FBXL13: variants seen among roughly 807,000 people sequenced by gnomAD.
FBXL13 encodes F-box and leucine rich repeat protein 13, also known as F-box and leucine-rich repeat protein 13.
In FBXL13, 67 loss-of-function variants were observed where a neutral mutation model predicts 83.6. The ratio of observed to expected loss-of-function variants is 0.80; its 90% CI spans 0.66 to 0.98. FBXL13 has a LOEUF of 0.98. Ranked by LOEUF, FBXL13 falls within the 50% of genes least tolerant of loss-of-function variation. The probability of loss-of-function intolerance (pLI) is 0.00; values close to 1 mark genes in which losing one functional copy is unlikely to be tolerated. For missense variants in FBXL13, 822 were observed against 866.5 expected, an observed-to-expected ratio of 0.95 and a Z score of 0.64; for synonymous variants, 272 against 299.5, an observed-to-expected ratio of 0.91 and a Z score of 0.95.
At chr7:102,864,955 T>C (rs764945003) in intron 16 of FBXL13, among the ~76,000 whole-genome samples, 4 of 152,206 alleles carry the variant, frequency 2.6e-5, no homozygotes, top group Non-Finnish European at 5.9e-5. Flanking sequence ...TATGAACCCA[T>C]ACTCTGAATT....
At chr7:102,931,889 T>C in exon 9 of FBXL13, 1 of 1,613,642 alleles carries the variant, frequency 6.2e-7, no homozygotes, top group Non-Finnish European at 8.5e-7. Context: ...ACTGTGAATG[T>C]TGGGCAGTCA....
intron 14 of FBXL13, among the ~76,000 whole-genome samples, chr7:102,881,374 T>G (rs1267798907): frequency 6.8e-6 from 1 of 147,224 alleles, no homozygotes; most frequent in Non-Finnish European, 1.5e-5. Context: ...CAGGCAGAGG[T>G]TGCAGTGAGC....
chr7:102,969,500 A>G (rs1003872966), intron 6 of FBXL13, among the ~76,000 whole-genome samples: 1 of 151,728 alleles, frequency 6.6e-6, no homozygotes, highest in Non-Finnish European at 1.5e-5. Context: ...AAAAAAAGAA[A>G]AGAGAGAGAG....
At chr7:102,870,207 G>GT (rs1287412222) in intron 16 of FBXL13, among the ~76,000 whole-genome samples, 1 of 152,140 alleles carries the variant, frequency 6.6e-6, no homozygotes, top group African/African-American at 2.4e-5. Context: ...ATAGTAATAG[G>GT]TAACACTGCT....
chr7:103,066,831 G>A (rs1404674860), intron 1 of FBXL13, among the ~76,000 whole-genome samples: 2 of 135,904 alleles, frequency 1.5e-5, no homozygotes, highest in African/African-American at 5.6e-5. Flanking sequence ...CGCTCTCATT[G>A]CCCAGGCTGG....
intron 11 of FBXL13, among the ~76,000 whole-genome samples, chr7:102,897,912 C>T (rs553398464): frequency 6.6e-6 from 1 of 152,264 alleles, no homozygotes; most frequent in African/African-American, 2.4e-5. Context: ...AGCATAAAAA[C>T]CCACTCCAAG....
At chr7:102,974,065 A>G (rs1044456880) in intron 6 of FBXL13, among the ~76,000 whole-genome samples, 3 of 152,078 alleles carry the variant, frequency 2.0e-5, no homozygotes, top group African/African-American at 7.2e-5. Flanking sequence ...CCTCAATTCC[A>G]AAAAACAGCC....
chr7:102,889,119 G>A (rs1369278653), intron 11 of FBXL13, among the ~76,000 whole-genome samples: 3 of 152,184 alleles, frequency 2.0e-5, no homozygotes, highest in Non-Finnish European at 4.4e-5. Context: ...CAAGAAGCAG[G>A]AGTAGGGGGT....
chr7:102,884,647 T>A (rs964221820), intron 11 of FBXL13, among the ~76,000 whole-genome samples: 5 of 152,032 alleles, frequency 3.3e-5, no homozygotes. Context: ...CCTGTCTCTT[T>A]AAAAAAATTT....
intron 14 of FBXL13, among the ~76,000 whole-genome samples, chr7:102,881,487 A>AATG (rs1245046614): frequency 1.3e-5 from 2 of 151,674 alleles, no homozygotes; most frequent in Admixed American, 1.3e-4. Context: ...GCCTGCACGA[A>AATG]ATGCAAGAAT....
downstream of FBXL13, among the ~76,000 whole-genome samples, chr7:102,812,149 AAC>A (rs1797470305): frequency 6.6e-6 from 1 of 152,220 alleles, no homozygotes; most frequent in Non-Finnish European, 1.5e-5. Context: ...CGGCAGTCAG[AAC>A]AGAGTTGTGT....
intron 18 of FBXL13, among the ~76,000 whole-genome samples, chr7:102,828,948 T>G (rs1443979289): frequency 6.6e-6 from 1 of 152,194 alleles, no homozygotes; most frequent in East Asian, 1.9e-4. Context: ...TTGTAGATTG[T>G]CATTCTCAAG....
chr7:102,877,658 T>C (rs1809452958), intron 15 of FBXL13, 65 bp from the exon 17 acceptor site: 11 of 1,506,408 alleles, frequency 7.3e-6, no homozygotes, highest in South Asian at 1.3e-5. Context: ...AATTTCTTCA[T>C]ATAAAAACTA....
chr7:102,828,969 G>A (rs1800191145), intron 18 of FBXL13, among the ~76,000 whole-genome samples: 1 of 152,154 alleles, frequency 6.6e-6, no homozygotes, highest in African/African-American at 2.4e-5. Context: ...AATAACTATA[G>A]AATGTGCTGG....
chr7:102,985,934 T>C (rs1828889704), intron 6 of FBXL13, among the ~76,000 whole-genome samples: 1 of 151,872 alleles, frequency 6.6e-6, no homozygotes, highest in African/African-American at 2.4e-5. Context: ...AGATAACACA[T>C]GTTGAGCATG....
At chr7:102,821,476 G>C (rs1387677165) in intron 19 of FBXL13, among the ~76,000 whole-genome samples, 1 of 152,172 alleles carries the variant, frequency 6.6e-6, no homozygotes, top group Admixed American at 6.5e-5. Context: ...AATTAAGAAA[G>C]TTCCTCTGTG....
At chr7:102,941,309 G>A (rs535149714) in intron 8 of FBXL13, among the ~76,000 whole-genome samples, 2 of 152,200 alleles carry the variant, frequency 1.3e-5, no homozygotes, top group South Asian at 4.1e-4. Flanking sequence ...CAAAGCCAGG[G>A]TACAGGGTAA....
At chr7:103,024,135 AAGAGAGAGAGAGAGAGAGAGAGAGAGAG>A (rs59206823) in intron 6 of FBXL13, among the ~76,000 whole-genome samples, 90 of 96,700 alleles carry the variant, frequency 9.3e-4, no homozygotes, top group African/African-American at 2.8e-3. Flanking sequence ...AAAAGTTAAA[AAGAGAGAGAGAGAGAGAGAGAGAGAGAG>A]AGAGAGAGAG....
rs76936224 is a variant in FBXL13 at position 102,891,829 on chromosome 7, T to C, written c.1009-7517A>G. ...AAGCAGGCTGATCCATCCTAAACTT[T>C]GCCATTCTAGAATACACTAATTGGT... On this transcript the variant is annotated intron_variant, in intron 11 of 19. Transcript: ENST00000313221. Among the ~76,000 whole-genome samples, 580 of 152,360 alleles carry C rather than the reference T, an allele frequency of 3.8e-3. 5 individuals carry two copies. Among genetic ancestry groups the C allele is most frequent in the African/African-American group, 0.014 (573 of 41,582 alleles).
Sources: allele counts gnomAD v4.1 joint callset (sites outside exome capture counted in the v4.1 genomes callset), GRCh38; gene constraint gnomAD v4.1.1; transcripts MANE v1.5; gene names NCBI Gene and HGNC (gene_info 2026-07-23, HGNC 2026-07-21).